The following JAKMIP2 variants were observed in gnomAD, a reference collection of about 807,000 sequenced individuals.
The protein encoded by JAKMIP2 is janus kinase and microtubule interacting protein 2, also known as janus kinase and microtubule-interacting protein 2.
JAKMIP2 carries 25 observed loss-of-function variants against 115.0 expected under a neutral mutation model. That is an observed-to-expected ratio of 0.22 (90% CI 0.16 to 0.30). JAKMIP2 has a LOEUF of 0.30. JAKMIP2 is among the 10% of genes least tolerant of loss of function. JAKMIP2 has a pLI of 1.00. For missense variants in JAKMIP2, 642 were observed against 957.6 expected (o/e 0.67, Z 4.35); for synonymous variants, 334 against 343.6 (o/e 0.97, Z 0.31).
At chr5:147,752,935 A>G (rs1402881679) in intron 1 of JAKMIP2, among the ~76,000 whole-genome samples, 1 of 152,114 alleles carries the variant, frequency 6.6e-6, no homozygotes, top group Non-Finnish European at 1.5e-5. Context: ...CTGCTGGAGA[A>G]TGTTCAGTTT....
At chr5:147,678,036 G>T (rs1760065016) in intron 1 of JAKMIP2, among the ~76,000 whole-genome samples, 1 of 152,016 alleles carries the variant, frequency 6.6e-6, no homozygotes, top group Non-Finnish European at 1.5e-5. Flanking sequence ...ACGGAGTCTT[G>T]CTCTGTTGCC....
At chr5:147,770,450 G>T (rs997210458) in intron 1 of JAKMIP2, among the ~76,000 whole-genome samples, 5 of 152,152 alleles carry the variant, frequency 3.3e-5, no homozygotes, top group Middle Eastern at 3.4e-3. Flanking sequence ...TGGGTGTACA[G>T]ACAGACAACC....
At chr5:147,705,611 C>T (rs1471140592) in intron 1 of JAKMIP2, among the ~76,000 whole-genome samples, 2 of 151,866 alleles carry the variant, frequency 1.3e-5, no homozygotes, top group Non-Finnish European at 2.9e-5. Flanking sequence ...TTGGCAACAC[C>T]CCATCATCTC....
intron 1 of JAKMIP2, among the ~76,000 whole-genome samples, chr5:147,777,471 G>C (rs752781188): frequency 1.3e-5 from 2 of 152,146 alleles, no homozygotes; most frequent in Non-Finnish European, 2.9e-5. Context: ...GTCTGCATGT[G>C]TCTCTATGTG....
chr5:147,742,153 A>ATTTTTTT (rs759308175), intron 1 of JAKMIP2, among the ~76,000 whole-genome samples: 1 of 110,376 alleles, frequency 9.1e-6, no homozygotes, highest in Non-Finnish European at 1.8e-5. Flanking sequence ...ATATATATAT[A>ATTTTTTT]TATTTTTTTT....
chr5:147,659,366 C>T (rs200091278), intron 3 of JAKMIP2, among the ~76,000 whole-genome samples: 1 of 152,182 alleles, frequency 6.6e-6, no homozygotes, highest in Non-Finnish European at 1.5e-5. Flanking sequence ...GTCACACCCA[C>T]TGCCAAACCA....
chr5:147,615,715 G>A (rs1756535945), intron 19 of JAKMIP2, among the ~76,000 whole-genome samples: 1 of 152,094 alleles, frequency 6.6e-6, no homozygotes, highest in South Asian at 2.1e-4. Context: ...ATTTTTCTTT[G>A]TGTTGATCAT....
chr5:147,635,112 G>C (rs1199241794), intron 12 of JAKMIP2, among the ~76,000 whole-genome samples: 1 of 152,110 alleles, frequency 6.6e-6, no homozygotes, highest in African/African-American at 2.4e-5. Context: ...GGGAGGCAGA[G>C]GTTGCCGTGA....
chr5:147,711,516 G>A (rs1211132068), intron 1 of JAKMIP2, among the ~76,000 whole-genome samples: 1 of 152,202 alleles, frequency 6.6e-6, no homozygotes, highest in Non-Finnish European at 1.5e-5. Context: ...CCTAAAGAGA[G>A]AGGCACTTAT....
At position 147,762,331 on chromosome 5, in the gene JAKMIP2, C is replaced by T. The variant is rs79469402; in HGVS notation, c.-149+20125G>A. On this transcript the variant is annotated intron_variant, in intron 1 of 21. Transcript: ENST00000616793. The stretch of plus-strand genomic sequence containing the variant: ...ACTAATGTTAGATTGTACTCTTATT[C>T]GTGTAATTTTCTCCTATTATTTAAT... Among the ~76,000 whole-genome samples the T allele has an allele frequency of 8.0e-3, 1,219 of 152,004 alleles. 15 individuals are homozygous for T. The highest frequency in any genetic ancestry group is 0.028 in the African/African-American group (1,144 of 41,466).
intron 2 of JAKMIP2, 98 bp downstream of exon 2, chr5:147,671,580 G>A (rs1759592599): frequency 9.3e-7 from 1 of 1,070,218 alleles, no homozygotes; most frequent in Non-Finnish European, 1.2e-6. Flanking sequence ...AAGGGCAGGA[G>A]TCCACTGGGG....
chr5:147,712,859 A>T (rs1752836330), intron 1 of JAKMIP2, among the ~76,000 whole-genome samples: 1 of 152,234 alleles, frequency 6.6e-6, no homozygotes, highest in Non-Finnish European at 1.5e-5. Context: ...CTCTTTCTCA[A>T]GTAAAAGCCT....
intron 3 of JAKMIP2, chr5:147,660,326 C>G (rs1581370893): frequency 3.4e-6 from 1 of 294,932 alleles, no homozygotes; most frequent in East Asian, 7.8e-5. Flanking sequence ...AGCAAACAAC[C>G]TACTTAGGGA....
chr5:147,654,341 A>T (rs1052730351), intron 3 of JAKMIP2, among the ~76,000 whole-genome samples: 1 of 152,032 alleles, frequency 6.6e-6, no homozygotes, highest in African/African-American at 2.4e-5. Context: ...CTTCCTATCC[A>T]TGAGGATGGA....
Position 147,661,284 on chromosome 5 carries a change from C to T in JAKMIP2, c.291G>A (p.Glu97=). 2 of 1,613,980 alleles carry T rather than the reference C, an allele frequency of 1.2e-6. No homozygotes were observed. Residue 97 remains glutamate, a synonymous_variant, in exon 3 of 22, where the codon GAG becomes GAA. Coordinates refer to ENST00000616793, the MANE Select transcript of JAKMIP2 (RefSeq NM_001270941.2). ...AVRENLIKQH[E]QEMSRTVKVR... is the part of the protein sequence containing the mutation. The stretch of plus-strand genomic sequence containing the variant: ...CCTTCACCGTCCTTGACATTTCCTG[C>T]TCGTGCTGCTTGATAAGGTTCTCCC...
At chr5:147,614,963 T>C (rs1756499086) in intron 19 of JAKMIP2, among the ~76,000 whole-genome samples, 1 of 152,220 alleles carries the variant, frequency 6.6e-6, no homozygotes, top group Non-Finnish European at 1.5e-5. Context: ...AGGCCTCCTC[T>C]GACCAGCCAA....
chr5:147,638,275 A>G (rs1255848703), intron 10 of JAKMIP2, among the ~76,000 whole-genome samples: 4 of 152,176 alleles, frequency 2.6e-5, no homozygotes, highest in African/African-American at 9.7e-5. Flanking sequence ...TAATGGTCAG[A>G]GAGAACGCTA....
intron 1 of JAKMIP2, among the ~76,000 whole-genome samples, chr5:147,745,397 G>A (rs1348113062): frequency 6.6e-6 from 1 of 152,134 alleles, no homozygotes; most frequent in Non-Finnish European, 1.5e-5. Flanking sequence ...AACAGAGAAT[G>A]CCAACAGTAA....
chr5:147,724,488 A>G (rs1297354432), intron 1 of JAKMIP2, among the ~76,000 whole-genome samples: 3 of 152,228 alleles, frequency 2.0e-5, no homozygotes, highest in Non-Finnish European at 2.9e-5. Context: ...TGTACCCAGC[A>G]TTGGTCTAAG....
Sources: allele counts gnomAD v4.1 joint callset (sites outside exome capture counted in the v4.1 genomes callset), GRCh38; gene constraint gnomAD v4.1.1; transcripts MANE v1.5; gene names NCBI Gene and HGNC (gene_info 2026-07-23, HGNC 2026-07-21).